Variants in MAP4K5 observed in about 807,000 individuals in gnomAD.
The protein encoded by MAP4K5 is MAPK/ERK kinase kinase kinase 5.
MAP4K5 carries 82 observed loss-of-function variants against 135.6 expected under a neutral mutation model. The ratio of observed to expected loss-of-function variants is 0.60; its 90% CI spans 0.51 to 0.73. The LOEUF is 0.73. Among genes scored for constraint, MAP4K5 ranks in the 30% least tolerant of loss-of-function variants. MAP4K5 has a pLI of 0.00. For synonymous variants in MAP4K5, 347 were observed against 335.0 expected (o/e 1.04, Z -0.39); for missense variants, 907 against 1,010.9 (o/e 0.90, Z 1.39).
chr14:50,423,584 A>T (rs899804948), intron 31 of MAP4K5, among the ~76,000 whole-genome samples: 1 of 151,976 alleles, frequency 6.6e-6, no homozygotes, highest in Non-Finnish European at 1.5e-5. Context: ...TGGGCAACAA[A>T]GTGAGACCCT....
At chr14:50,505,877 T>A (rs2037799314) in intron 2 of MAP4K5, among the ~76,000 whole-genome samples, 1 of 152,164 alleles carries the variant, frequency 6.6e-6, no homozygotes, top group Admixed American at 6.5e-5. Context: ...TTAAGACATA[T>A]TTGTTTTAAA....
At chr14:50,490,008 GCAGA>G (rs1483815688) in intron 3 of MAP4K5, among the ~76,000 whole-genome samples, 4 of 151,806 alleles carry the variant, frequency 2.6e-5, no homozygotes, top group Non-Finnish European at 4.4e-5. Flanking sequence ...CTACCAAACC[GCAGA>G]CAGAGATGGG....
At position 50,464,106 on chromosome 14, in the gene MAP4K5, T is replaced by C; in HGVS notation, c.765A>G (p.Lys255=). ...TTTTTGGGTTTTTGGTTAGTGCTAT[T>C]TTGACAAAATTATGGAATGTTGATG... The part of the protein sequence containing the change: ...KWSSTFHNFV[K]IALTKNPKKR... Residue 255 remains lysine (K), a synonymous_variant, in exon 12 of 33, where the codon AAA becomes AAG. Coordinates refer to ENST00000682126, the MANE Select transcript of MAP4K5 (RefSeq NM_006575.6). The C allele has an allele frequency of 6.5e-7, 1 of 1,537,766 alleles. No individual in the cohort carries two copies. The highest frequency in any genetic ancestry group is 8.8e-7 in the Non-Finnish European group (1 of 1,134,226).
rs371114148 is a variant in MAP4K5, at chr14:50,546,134, A to G, written c.-179-3550T>C. 7.2e-5 allele frequency among the ~76,000 whole-genome samples: 11 copies of G among 152,334 alleles called. No homozygotes were observed. The East Asian group carries it at 7.7e-4, about 11-fold the overall frequency. ...ATGTTAGAAACTCATTTGAAACTGA[A>G]GAAAAAAAAGAGGGTAAAAGAAGTT... On this transcript the variant is annotated intron_variant, in intron 1 of 8. Coordinates refer to the MAP4K5 transcript ENST00000555216.
At chr14:50,513,224 TC>T (rs1248463700) in intron 2 of MAP4K5, among the ~76,000 whole-genome samples, 1 of 152,206 alleles carries the variant, frequency 6.6e-6, no homozygotes, top group Non-Finnish European at 1.5e-5. Flanking sequence ...TTCCTTTTCA[TC>T]TCTTAATTCA....
At chr14:50,500,388 T>A (rs1000657562) in intron 3 of MAP4K5, among the ~76,000 whole-genome samples, 4 of 152,164 alleles carry the variant, frequency 2.6e-5, no homozygotes, top group Non-Finnish European at 5.9e-5. Flanking sequence ...AGCAAAGATC[T>A]TGAAAAACAG....
At position 50,512,157 on chromosome 14, in the gene MAP4K5, T is replaced by G. The variant is rs556757295; in HGVS notation, c.109-7300A>C. Among the ~76,000 whole-genome samples the G allele has an allele frequency of 2.0e-5, 3 of 152,244 alleles. No homozygotes were observed. In the East Asian group the frequency reaches 5.8e-4, roughly 29 times the overall value. ...TACAGGAATTCAGGGGTTGGCTAAATGTAATTCTATGTACTATGTGCTTTA... is the reference window on the plus strand; with the variant it reads ...TACAGGAATTCAGGGGTTGGCTAAAGGTAATTCTATGTACTATGTGCTTTA... On this transcript the variant is annotated intron_variant, in intron 2 of 32. Coordinates refer to ENST00000682126, the MANE Select transcript of MAP4K5 (RefSeq NM_006575.6).
At chr14:50,420,221 G>T in intron 32 of MAP4K5, 115 bp from the exon 33 acceptor site, 1 of 690,830 alleles carries the variant, frequency 1.4e-6, no homozygotes, top group Non-Finnish European at 2.7e-6. Flanking sequence ...ATTACGTAAG[G>T]ATCACAGACG....
chr14:50,532,219 G>C, intron 1 of MAP4K5, 61 bp from the exon 2 acceptor site: 1 of 560,262 alleles, frequency 1.8e-6, no homozygotes, highest in Non-Finnish European at 3.1e-6. Context: ...AGCGGCCCGC[G>C]CCCTCGCGGC....
Position 50,423,140 on chromosome 14 carries a change from G to T in MAP4K5, c.2434C>A (p.Arg812Ser). The T allele has an allele frequency of 6.4e-7, 1 of 1,571,620 alleles. No individual in the cohort carries two copies. The highest frequency in any genetic ancestry group is 1.7e-4 in the Middle Eastern group (1 of 5,976). Residue 812 changes from arginine to serine, a missense_variant, in exon 32 of 33, where the codon CGC becomes AGC. Coordinates refer to ENST00000682126, the MANE Select transcript of MAP4K5 (RefSeq NM_006575.6). Reference protein sequence around the residue: ...QEISDETRVFRLLGSDRVVVL... With the variant: ...QEISDETRVFSLLGSDRVVVL... ...TATTACCTGTCTGATCCTAATAAGC[G>T]GAAAACTCTTGTTTCATCTGAAATC...
At chr14:50,423,385 CT>C (rs2035776065) in intron 31 of MAP4K5, among the ~76,000 whole-genome samples, 1 of 150,686 alleles carries the variant, frequency 6.6e-6, no homozygotes, top group Non-Finnish European at 1.5e-5. Flanking sequence ...GTCAGGTACT[CT>C]ACTTAGAAGA....
In MAP4K5 at chr14:50,437,924, G is replaced by A. The variant is rs201757985; in HGVS notation, c.1793C>T (p.Thr598Ile). The change falls in exon 25 of 33, where the codon ACT becomes ATT. Residue 598 changes from threonine (T) to isoleucine (I), a missense_variant. Coordinates refer to ENST00000682126, the MANE Select transcript of MAP4K5 (RefSeq NM_006575.6). ...KKPGLAAHIQTHRFPDRILPR... is the reference protein window; with the variant it reads ...KKPGLAAHIQIHRFPDRILPR... ...TAGTATTCGGTCTGGAAACCTGTGA[G>A]TTTGAATATGGGCAGCTAATCCTGG... The A allele has an allele frequency of 6.2e-7, 1 of 1,610,892 alleles. No individual in the cohort carries two copies. Among genetic ancestry groups the A allele is most frequent in the Admixed American group, 1.7e-5 (1 of 59,934 alleles).
chr14:50,468,359 G>A, intron 10 of MAP4K5: 1 of 277,164 alleles, frequency 3.6e-6, no homozygotes, highest in South Asian at 9.8e-5. Flanking sequence ...CTCTTATGTT[G>A]TTTTAGGAGC....
chr14:50,476,008 C>T (rs34647963), intron 8 of MAP4K5, 120 bp downstream of exon 8: 113 of 523,854 alleles, frequency 2.2e-4, no homozygotes, highest in African/African-American at 2.0e-3. Context: ...AACATTACTG[C>T]GACTCTTGAT....
intron 28 of MAP4K5, among the ~76,000 whole-genome samples, chr14:50,430,909 G>A (rs1292206343): frequency 6.6e-6 from 1 of 152,162 alleles, no homozygotes; most frequent in Non-Finnish European, 1.5e-5. Flanking sequence ...GTTTGCCGGA[G>A]TGAGGGCATT....
intron 17 of MAP4K5, among the ~76,000 whole-genome samples, chr14:50,445,826 C>T (rs913371720): frequency 3.3e-5 from 5 of 152,256 alleles, no homozygotes; most frequent in African/African-American, 1.2e-4. Flanking sequence ...CTTTGTCTCC[C>T]GAAGTGCTGG....
chr14:50,485,144 A>C (rs2037336845), intron 5 of MAP4K5, among the ~76,000 whole-genome samples: 1 of 152,136 alleles, frequency 6.6e-6, no homozygotes, highest in Non-Finnish European at 1.5e-5. Context: ...TACTAAATAA[A>C]ATACTCGAAA....
At chr14:50,446,595 GT>G (rs2139730271) in intron 16 of MAP4K5, among the ~76,000 whole-genome samples, 1 of 152,258 alleles carries the variant, frequency 6.6e-6, no homozygotes, top group South Asian at 2.1e-4. Flanking sequence ...CACTTATCTA[GT>G]CCACTGGTCC....
At chr14:50,509,251 A>C (rs1481778440) in intron 2 of MAP4K5, among the ~76,000 whole-genome samples, 2 of 151,806 alleles carry the variant, frequency 1.3e-5, no homozygotes, top group Non-Finnish European at 2.9e-5. Flanking sequence ...GGGCAGGGGG[A>C]GGGATAGCAT....
Sources: allele counts gnomAD v4.1 joint callset (sites outside exome capture counted in the v4.1 genomes callset), GRCh38; gene constraint gnomAD v4.1.1; transcripts MANE v1.5; gene names NCBI Gene and HGNC (gene_info 2026-07-23, HGNC 2026-07-21).